The following PLA2G4F variants were observed in gnomAD, a reference collection of about 807,000 sequenced individuals.
PLA2G4F encodes the protein cytosolic phospholipase A2 zeta.
Under a neutral mutation model 103.1 loss-of-function variants are expected in PLA2G4F, and 105 were observed. That is an observed-to-expected ratio of 1.02 (90% confidence interval 0.87 to 1.20). The LOEUF (loss-of-function observed/expected upper bound fraction) is 1.20, where lower values mean the gene tolerates loss of function less well. PLA2G4F is among the 50% of genes most tolerant of loss of function. PLA2G4F has a pLI of 0.00. For synonymous variants in PLA2G4F, 468 were observed against 441.1 expected, an observed-to-expected ratio of 1.06 and a Z score of -0.76; for missense variants, 1,155 against 1,075.9, an observed-to-expected ratio of 1.07 and a Z score of -1.03.
At chr15:42,153,253 A>G in intron 6 of PLA2G4F, 47 bp downstream of exon 6, 1 of 1,576,428 alleles carries the variant, frequency 6.3e-7, no homozygotes, top group Non-Finnish European at 8.6e-7. Context: ...CGGGTTCCTC[A>G]CTGCCCCCCA....
At chr15:42,149,992 C>T (rs2048938300) in intron 10 of PLA2G4F, 112 bp downstream of exon 10, 2 of 1,547,454 alleles carry the variant, frequency 1.3e-6, no homozygotes, top group Non-Finnish European at 1.8e-6. Flanking sequence ...GGAAAAATGT[C>T]ATCCCCACCC....
chr15:42,141,694 T>G lies in PLA2G4F; in HGVS notation c.*290A>C. On this transcript the variant is annotated 3_prime_UTR_variant, in exon 20 of 20. Transcript: ENST00000397272. Reference sequence around the variant, plus strand: ...GGGGTGGGCTCTGTGGCTCACCTGATTCTCTCCACACCCCGCTGTGAAATG... The same window carrying G: ...GGGGTGGGCTCTGTGGCTCACCTGAGTCTCTCCACACCCCGCTGTGAAATG... 1 of 546,206 alleles carries G rather than the reference T, an allele frequency of 1.8e-6. No homozygotes were observed. The highest frequency in any genetic ancestry group is 3.5e-6 in the Non-Finnish European group (1 of 285,956). 33.8% of individuals were successfully genotyped at this position (546,206 alleles called of 1,614,324 possible).
intron 19 of PLA2G4F, 36 bp from the exon 20 acceptor site, chr15:42,142,240 G>C (rs1374009462): frequency 6.4e-7 from 1 of 1,566,640 alleles, no homozygotes; most frequent in East Asian, 2.2e-5. Context: ...GGCCAGGATG[G>C]AGCCCTCTGT....
In PLA2G4F at chr15:42,144,052, G is replaced by A. The variant is rs1009874984; in HGVS notation, c.2068C>T (p.Pro690Ser). ...DGGFAINSPF[P>S]LALLPQRAVD... is the part of the protein sequence containing the mutation. The stretch of plus-strand genomic sequence containing the variant: ...GCTCTCTGAGGCAGCAGAGCCAGTG[G>A]GAACGGAGAGTTGATGGCAAAGCCT... The change falls in exon 18 of 20, where the codon CCA becomes TCA. Residue 690 changes from proline (P) to serine (S), a missense_variant. Coordinates refer to ENST00000397272, the MANE Select transcript of PLA2G4F (RefSeq NM_213600.4). 1 of 1,614,080 alleles carries A rather than the reference G, an allele frequency of 6.2e-7. No homozygotes were observed. Among genetic ancestry groups the A allele is most frequent in the Non-Finnish European group, 8.5e-7 (1 of 1,179,980 alleles).
chr15:42,149,006 G>A, intron 11 of PLA2G4F: 16 of 985,348 alleles, frequency 1.6e-5, no homozygotes, highest in Non-Finnish European at 1.9e-5. Context: ...GCAGCCTGGA[G>A]GAAGCCGGCA....
In PLA2G4F at chr15:42,147,137, A is replaced by G. The variant is rs141517669; in HGVS notation, c.1406T>C (p.Leu469Pro). 6.2e-7 allele frequency: 1 copy of G among 1,612,412 alleles called. No homozygotes were observed. The highest frequency in any genetic ancestry group is 2.2e-5 in the East Asian group (1 of 44,866). The change falls in exon 13 of 20, where the codon CTC becomes CCC. Residue 469 changes from leucine (L) to proline (P), a missense_variant. Physicochemically the swap from Leu to Pro is moderately conservative, Grantham distance 98. This residue lies in a region of PLA2G4F where 782 missense variants were observed against 692.9 expected (regional missense o/e 1.13). Transcript: ENST00000397272. The stretch of plus-strand genomic sequence containing the variant: ...CTCTTCTCTCACCTCCTGGTACAGG[A>G]GATACTCAACAAGGAGGCCCCAGAG... ...IDLWGLLVEY[L>P]LYQEENPAKL... is the part of the protein sequence containing the mutation.
chr15:42,154,092 CTGG>C lies in PLA2G4F; in HGVS notation c.447_449del (p.His149del), dbSNP rs1566882302. 1 of 1,614,038 alleles carries C rather than the reference CTGG, an allele frequency of 6.2e-7. No homozygotes were observed. Among genetic ancestry groups the C allele is most frequent in the African/African-American group, 1.3e-5 (1 of 74,936 alleles). ...TCTCCGCCAGCACTGGTGGGCTCAC[CTGG>C]TGGTTGAGTGGGAAGGTGTGTTTGT... On this transcript the variant is annotated inframe_deletion and splice_region_variant, in exon 4 of 20. Transcript: ENST00000397272.
intron 8 of PLA2G4F, 42 bp downstream of exon 8, chr15:42,150,566 G>C (rs757139831): frequency 1.3e-6 from 2 of 1,596,618 alleles, no homozygotes; most frequent in East Asian, 4.5e-5. Flanking sequence ...ACGCCAGTCT[G>C]GGCTGAGTTG....
chr15:42,150,408 CTAGGGGCAGAGAGGAG>C lies in PLA2G4F; in HGVS notation c.834_849del (p.Ser279AlafsTer18), dbSNP rs773025312. On this transcript the variant is annotated frameshift_variant, in exon 9 of 20. Coordinates refer to ENST00000397272, the MANE Select transcript of PLA2G4F (RefSeq NM_213600.4). LOFTEE classifies it high-confidence loss of function. ...GCCACAGAACACTGTTCCTCCTGGCCTAGGGGCAGAGAGGAGAGCAGGATGCCCCCCTCGCCCAGCT... is the reference window on the plus strand; with the variant it reads ...GCCACAGAACACTGTTCCTCCTGGCCAGCAGGATGCCCCCCTCGCCCAGCT... 41 of 1,613,094 alleles carry C rather than the reference CTAGGGGCAGAGAGGAG, an allele frequency of 2.5e-5. 1 individual carries two copies. The South Asian group carries it at 4.4e-4, about 17-fold the overall frequency.
chr15:42,154,014 C>G (rs2048986300), intron 4 of PLA2G4F, 78 bp downstream of exon 4: 1 of 1,597,318 alleles, frequency 6.3e-7, no homozygotes, highest in African/African-American at 1.3e-5. Flanking sequence ...CTGTGCCGAC[C>G]AGAGCCCCCT....
rs1476179459 is a variant in PLA2G4F, at chr15:42,147,329, T to C, written c.1214A>G (p.Tyr405Cys). Residue 405 changes from tyrosine (Y) to cysteine (C), a missense_variant, in exon 13 of 20, where the codon TAC becomes TGC. Around this residue, in one of 3 missense-constraint regions of PLA2G4F, gnomAD observed 782 missense variants for 692.9 expected, o/e 1.13. Transcript: ENST00000397272. ...SGSTWCISTL[Y>C]RDPAWSQVAL... is the part of the protein sequence containing the mutation. ...CACCTGGGACCAGGCTGGGTCCCTGTAGAGTGTGGAGATGCACCTGGGGAT... is the reference window on the plus strand; with the variant it reads ...CACCTGGGACCAGGCTGGGTCCCTGCAGAGTGTGGAGATGCACCTGGGGAT... The C allele has an allele frequency of 4.4e-6, 7 of 1,607,822 alleles. No individual in the cohort carries two copies. Among genetic ancestry groups the C allele is most frequent in the Non-Finnish European group, 5.1e-6 (6 of 1,179,842 alleles).
intron 1 of PLA2G4F, among the ~76,000 whole-genome samples, chr15:42,156,194 C>T (rs1401352989): frequency 5.9e-5 from 9 of 152,180 alleles, no homozygotes; most frequent in East Asian, 1.9e-4. Flanking sequence ...GCCAGGCTCG[C>T]GCATCCTTGG....
In PLA2G4F at chr15:42,145,870, A is replaced by C. The variant is rs994737784; in HGVS notation, c.1568T>G (p.Phe523Cys). The change falls in exon 15 of 20, where the codon TTC (phenylalanine) becomes TGC (cysteine). Residue 523 changes from phenylalanine to cysteine, a missense_variant. By Grantham distance (205) the Phe-to-Cys change is radical. Transcript: ENST00000397272. ...GGGAACATAAGCCCCGTACTTGGGG[A>C]AGCCAACCTCATAGGGCGTGAACTC... is the stretch of plus-strand genomic sequence containing the variant. Reference protein sequence around the residue: ...WCEFTPYEVGFPKYGAYVPTE... With the variant: ...WCEFTPYEVGCPKYGAYVPTE... 6.2e-7 allele frequency: 1 copy of C among 1,613,930 alleles called. No homozygotes were observed. The highest frequency in any genetic ancestry group is 8.5e-7 in the Non-Finnish European group (1 of 1,180,018).
rs677895 is a variant in PLA2G4F, at chr15:42,154,164, A to G, written c.378T>C (p.Ser126=). The G allele has an allele frequency of 0.017, 28,144 of 1,614,178 alleles. 1,703 individuals carry two copies. The highest frequency in any genetic ancestry group is 0.15 in the Admixed American group (9,069 of 60,012). ...DKDILGSDQL[S]LLLFDLRSLK... ...GGCTTCTCAGGTCAAACAGGAGCAG[A>G]GAGAGCTGGTCGCTGCCCAGGATGT... The change falls in exon 4 of 20, where the codon TCT becomes TCC. Residue 126 remains serine, a synonymous_variant. Coordinates refer to ENST00000397272, the MANE Select transcript of PLA2G4F (RefSeq NM_213600.4).
chr15:42,151,440 C>A, intron 7 of PLA2G4F: 1 of 985,274 alleles, frequency 1.0e-6, no homozygotes, highest in Non-Finnish European at 1.2e-6. Flanking sequence ...GGGGAGGAGG[C>A]CAGACCCCAG....
intron 11 of PLA2G4F, 103 bp from the exon 12 acceptor site, chr15:42,147,865 A>T: frequency 6.8e-7 from 1 of 1,469,016 alleles, no homozygotes; most frequent in Middle Eastern, 1.9e-4. Context: ...TACACGTATT[A>T]TCTCATTGAA....
chr15:42,147,830 A>G, intron 11 of PLA2G4F, 68 bp from the exon 12 acceptor site: 3 of 1,582,514 alleles, frequency 1.9e-6, no homozygotes, highest in Non-Finnish European at 2.6e-6. Context: ...CTGCCTATAC[A>G]TGTAGGACAT....
Position 42,141,842 on chromosome 15 carries a change from C to T in PLA2G4F, c.*142G>A, listed in dbSNP as rs181464471. Reference sequence around the variant, plus strand: ...AAGCTGCAATTCTGCAAGAGCTTTCCGGGGCCTGGGGCACCTCGAGGCAGG... The same window carrying T: ...AAGCTGCAATTCTGCAAGAGCTTTCTGGGGCCTGGGGCACCTCGAGGCAGG... On this transcript the variant is annotated 3_prime_UTR_variant, in exon 20 of 20. Coordinates refer to ENST00000397272, the MANE Select transcript of PLA2G4F (RefSeq NM_213600.4). 1.3e-4 allele frequency: 113 copies of T among 840,218 alleles called. No homozygotes were observed. Among genetic ancestry groups the T allele is most frequent in the African/African-American group, 7.5e-4 (44 of 58,602 alleles). The allele number at this position is 840,218 out of a possible 1,614,324, so 52.0% of individuals were successfully genotyped here.
In PLA2G4F at chr15:42,142,019, C is replaced by G; in HGVS notation, c.2515G>C (p.Asp839His). 6.2e-7 allele frequency: 1 copy of G among 1,614,110 alleles called. No homozygotes were observed. Among genetic ancestry groups the G allele is most frequent in the Non-Finnish European group, 8.5e-7 (1 of 1,180,038 alleles). ...TLKCALQLAL[D>H]RHQARERAGA is the part of the protein sequence containing the mutation. ...GCCCTCTCCCGAGCCTGGTGCCGGT[C>G]CAGAGCCAGCTGGAGGGCGCACTTC... The change falls in exon 20 of 20, where the codon GAC becomes CAC. Residue 839 changes from aspartate (D) to histidine (H), a missense_variant. Around this residue, in one of 3 missense-constraint regions of PLA2G4F, gnomAD observed 782 missense variants for 692.9 expected, o/e 1.13. Transcript: ENST00000397272.
Sources: allele counts gnomAD v4.1 joint callset (sites outside exome capture counted in the v4.1 genomes callset), GRCh38; gene constraint gnomAD v4.1.1; regional missense constraint gnomAD v4.1.1; transcripts MANE v1.5; gene names NCBI Gene and HGNC (gene_info 2026-07-23, HGNC 2026-07-21).